The following ZNF48 variants were observed in gnomAD, a reference collection of about 807,000 sequenced individuals.
ZNF48 encodes zinc finger protein 48.
Under a neutral mutation model 40.0 loss-of-function variants are expected in ZNF48, and 20 were observed. The observed-to-expected ratio is 0.50, with a 90% CI of 0.35 to 0.73. The LOEUF (loss-of-function observed/expected upper bound fraction) is 0.73. ZNF48 is among the 30% of genes least tolerant of loss of function. ZNF48 has a pLI of 0.01. For missense variants in ZNF48, 726 were observed against 851.9 expected (o/e 0.85, Z 1.84); for synonymous variants, 298 against 329.7 (o/e 0.90, Z 1.04).
intron 1 of ZNF48, chr16:30,378,881 A>AGAGAGGGG: frequency 4.2e-6 from 1 of 239,562 alleles, no homozygotes; most frequent in Non-Finnish European, 6.5e-6. Context: ...GGAGAGAGGG[A>AGAGAGGGG]GGGAGGGAGG....
At chr16:30,383,001 C>T in intron 1 of ZNF48, 2 of 595,650 alleles carry the variant, frequency 3.4e-6, no homozygotes, top group Non-Finnish European at 6.0e-6. Flanking sequence ...GAGGGACGTG[C>T]CCCTCTACCA....
Position 30,397,343 on chromosome 16 carries a change from G to A in ZNF48, c.93G>A (p.Glu31=). The A allele has an allele frequency of 6.2e-7, 1 of 1,612,714 alleles. No individual in the cohort carries two copies. The change falls in exon 3 of 3, where the codon GAG becomes GAA. Residue 31 remains glutamate, a synonymous_variant. Coordinates refer to ENST00000613509, the MANE Select transcript of ZNF48 (RefSeq NM_001214909.2). The surrounding 1 kb of genome is among the most constrained non-coding windows in gnomAD (Gnocchi z 4.1). ...QRGARTGLGS[E]NVISQPNEFE... ...TTCTTTCCTCAGGTCTAGGGAGTGAGAACGTGATTTCTCAGCCGAATGAGT... is the reference window on the plus strand; with the variant it reads ...TTCTTTCCTCAGGTCTAGGGAGTGAAAACGTGATTTCTCAGCCGAATGAGT...
At chr16:30,389,985 G>A (rs138781901) in intron 1 of ZNF48, among the ~76,000 whole-genome samples, 19 of 151,576 alleles carry the variant, frequency 1.3e-4, no homozygotes, top group Non-Finnish European at 2.5e-4. Flanking sequence ...CACCATCCCT[G>A]GCTAATTCTT....
chr16:30,399,268 A>G lies in ZNF48; in HGVS notation c.*161A>G, dbSNP rs1230360608. On this transcript the variant is annotated 3_prime_UTR_variant, in exon 3 of 3. Coordinates refer to ENST00000613509, the MANE Select transcript of ZNF48 (RefSeq NM_001214909.2). Reference sequence around the variant, plus strand: ...ATTGGAGACAGTAACCTTGAAGCTCAGGAAACTGTCCTGGCTGGGCTGAGT... The same window carrying G: ...ATTGGAGACAGTAACCTTGAAGCTCGGGAAACTGTCCTGGCTGGGCTGAGT... 1 of 767,134 alleles carries G rather than the reference A, an allele frequency of 1.3e-6. No individual in the cohort carries two copies. The highest frequency in any genetic ancestry group is 2.8e-5 in the East Asian group (1 of 36,052). The allele number at this position is 767,134 out of a possible 1,614,324, so 47.5% of individuals were successfully genotyped here. A position where few individuals can be genotyped will look rare whatever the true frequency, so the allele number is the denominator to read the frequency against.
intron 1 of ZNF48, among the ~76,000 whole-genome samples, chr16:30,383,447 C>T (rs962602007): frequency 6.6e-6 from 1 of 152,180 alleles, no homozygotes; most frequent in Non-Finnish European, 1.5e-5. Flanking sequence ...CCTCGGCCTC[C>T]CAAACTGCTG....
At position 30,397,789 on chromosome 16, in the gene ZNF48, T is replaced by C; in HGVS notation, c.539T>C (p.Ile180Thr). ...ARPPAQGPPK[I>T]PRSRIPAGER... The stretch of plus-strand genomic sequence containing the variant: ...CCACCAGCCCAGGGTCCCCCAAAGA[T>C]TCCTCGGTCCCGGATCCCTGCTGGT... Residue 180 changes from isoleucine to threonine, a missense_variant, in exon 3 of 3, where the codon ATT becomes ACT. Physicochemically the swap from Ile to Thr is moderately conservative, Grantham distance 89. Transcript: ENST00000613509. This position sits in a 1 kb window ranked among gnomAD's most constrained non-coding sequence, Gnocchi z 4.1. 1 of 1,613,204 alleles carries C rather than the reference T, an allele frequency of 6.2e-7. No homozygotes were observed. Among genetic ancestry groups the C allele is most frequent in the Non-Finnish European group, 8.5e-7 (1 of 1,179,894 alleles).
In ZNF48 at chr16:30,382,899, C is replaced by A; in HGVS notation, c.-16+4489C>A. ...ATTAGAAAACAGTTCCCAGGACGGGCAAGGTGGCTCTCGCCTGTAATCTCA... is the reference window on the plus strand; with the variant it reads ...ATTAGAAAACAGTTCCCAGGACGGGAAAGGTGGCTCTCGCCTGTAATCTCA... On this transcript the variant is annotated intron_variant, in intron 1 of 2. Coordinates refer to the ZNF48 transcript ENST00000528032. The surrounding 1 kb of genome is among the most constrained non-coding windows in gnomAD (Gnocchi z 4.8). The A allele has an allele frequency of 1.0e-6, 1 of 992,246 alleles. No homozygotes were observed. The highest frequency in any genetic ancestry group is 1.5e-6 in the Non-Finnish European group (1 of 652,022). 61.5% of individuals were successfully genotyped at this position (992,246 alleles called of 1,614,324 possible). A position where few individuals can be genotyped will look rare whatever the true frequency, so the allele number is the denominator to read the frequency against.
chr16:30,389,881 G>GGCT (rs2049930043), intron 1 of ZNF48, among the ~76,000 whole-genome samples: 1 of 115,716 alleles, frequency 8.6e-6, no homozygotes, highest in Admixed American at 1.2e-4. Context: ...CTGTTGCCCA[G>GGCT]GCTGGAATGT....
Position 30,381,684 on chromosome 16 carries a change from A to C in ZNF48, c.-16+3274A>C. 6.3e-7 allele frequency: 1 copy of C among 1,583,754 alleles called. No individual in the cohort carries two copies. The highest frequency in any genetic ancestry group is 8.6e-7 in the Non-Finnish European group (1 of 1,165,198). The stretch of plus-strand genomic sequence containing the variant: ...CCACCTTTTGAGATAGGGAGCCAGC[A>C]CAAACCAGTCCTGTAACTCTCCAGG... On this transcript the variant is annotated intron_variant, in intron 1 of 2. Transcript: ENST00000528032. The surrounding 1 kb of genome is among the most constrained non-coding windows in gnomAD (Gnocchi z 4.3).
At chr16:30,392,696 T>C (rs781534030), upstream of ZNF48, among the ~76,000 whole-genome samples, 8 of 152,206 alleles carry the variant, frequency 5.3e-5, no homozygotes, top group Admixed American at 1.3e-4. Context: ...TAAAGTCAAG[T>C]AGCAATTAAG....
At chr16:30,379,148 G>C (rs1205024958) in intron 1 of ZNF48, 5 of 1,614,118 alleles carry the variant, frequency 3.1e-6, no homozygotes, top group Non-Finnish European at 4.2e-6. Flanking sequence ...AGCATCCGTC[G>C]CAGGTTCAGG....
At position 30,395,500 on chromosome 16, in the gene ZNF48, G is replaced by T; in HGVS notation, c.-94G>T. 3.2e-6 allele frequency: 1 copy of T among 314,364 alleles called. No individual in the cohort carries two copies. The highest frequency in any genetic ancestry group is 6.2e-6 in the Non-Finnish European group (1 of 160,838). 19.5% of individuals were successfully genotyped at this position (314,364 alleles called of 1,614,324 possible). On this transcript the variant is annotated 5_prime_UTR_variant, in exon 1 of 3. Coordinates refer to ENST00000613509, the MANE Select transcript of ZNF48 (RefSeq NM_001214909.2). The surrounding 1 kb of genome is among the most constrained non-coding windows in gnomAD (Gnocchi z 5.9). ...GGCGCGGAGCCTGCATCCCGGAGCCGCTGGCGGCTCGGGCGCCTGCACCCC... is the reference window on the plus strand; with the variant it reads ...GGCGCGGAGCCTGCATCCCGGAGCCTCTGGCGGCTCGGGCGCCTGCACCCC...
chr16:30,387,342 G>A (rs1010928754), intron 1 of ZNF48, among the ~76,000 whole-genome samples: 1 of 147,592 alleles, frequency 6.8e-6, no homozygotes, highest in Non-Finnish European at 1.5e-5. Context: ...TTCACCTGAT[G>A]TCGGGAGTTC....
chr16:30,392,553 C>T (rs1173728657), upstream of ZNF48, among the ~76,000 whole-genome samples: 2 of 152,126 alleles, frequency 1.3e-5, no homozygotes, highest in South Asian at 2.1e-4. Context: ...TGGACTTTGC[C>T]GAAATCAAAC....
chr16:30,381,494 T>C lies in ZNF48; in HGVS notation c.-16+3084T>C, dbSNP rs1283831329. The stretch of plus-strand genomic sequence containing the variant: ...GCCAGCTGGGTGTGGGGAGAGGATG[T>C]GAGGTCAGAGATCAAAGGCCAGAGG... On this transcript the variant is annotated intron_variant, in intron 1 of 2. Coordinates refer to the ZNF48 transcript ENST00000528032. The surrounding 1 kb of genome is among the most constrained non-coding windows in gnomAD (Gnocchi z 4.3). 6.2e-7 allele frequency: 1 copy of C among 1,613,480 alleles called. No homozygotes were observed. Among genetic ancestry groups the C allele is most frequent in the Non-Finnish European group, 8.5e-7 (1 of 1,179,814 alleles).
At chr16:30,389,289 G>A (rs1030724956) in intron 1 of ZNF48, among the ~76,000 whole-genome samples, 2 of 151,974 alleles carry the variant, frequency 1.3e-5, no homozygotes, top group African/African-American at 4.8e-5. Flanking sequence ...TACTCGGGAG[G>A]CTGAGGCAGG....
chr16:30,395,833 C>T lies in ZNF48; in HGVS notation c.39C>T (p.His13=). 1 of 1,549,984 alleles carries T rather than the reference C, an allele frequency of 6.5e-7. No homozygotes were observed. Reference sequence around the variant, plus strand: ...TAGAGCCTTGGGGCCCAGATCTCCACCGCCCGGAGGAGAGGGAGCCACAGA... The same window carrying T: ...TAGAGCCTTGGGGCCCAGATCTCCATCGCCCGGAGGAGAGGGAGCCACAGA... ...RAVEPWGPDL[H]RPEEREPQRG... The change falls in exon 2 of 3, where the codon CAC becomes CAT. Residue 13 remains histidine, a synonymous_variant. Coordinates refer to ENST00000613509, the MANE Select transcript of ZNF48 (RefSeq NM_001214909.2). This position sits in a 1 kb window ranked among gnomAD's most constrained non-coding sequence, Gnocchi z 5.9.
chr16:30,379,477 G>A (rs765469218), intron 1 of ZNF48: 19 of 1,613,790 alleles, frequency 1.2e-5, no homozygotes, highest in Non-Finnish European at 1.5e-5. Context: ...CTCACCGGCC[G>A]GTTCCCGCCA....
intron 1 of ZNF48, among the ~76,000 whole-genome samples, chr16:30,389,404 AAAT>A (rs1555500201): frequency 7.0e-6 from 1 of 142,002 alleles, no homozygotes; most frequent in African/African-American, 2.6e-5. Context: ...AAAAAAAAAA[AAAT>A]AATAATAATA....
Sources: gnomAD v4.1 joint callset for allele counts (sites outside exome capture counted in the v4.1 genomes callset) on GRCh38, gnomAD v4.1.1 for gene constraint, Gnocchi (gnomAD v3.1) non-coding constraint, MANE v1.5 for transcripts, NCBI Gene and HGNC (gene_info 2026-07-23, HGNC 2026-07-21) for gene names.